TJP1: variants seen among roughly 807,000 people sequenced by gnomAD.
The protein encoded by TJP1 is tight junction protein ZO-1.
In TJP1, 43 loss-of-function variants were observed where a neutral mutation model predicts 194.2. The ratio of observed to expected loss-of-function variants is 0.22; its 90% CI spans 0.17 to 0.29. TJP1 has a LOEUF of 0.29. TJP1 is among the 10% of genes least tolerant of loss of function. The pLI is 1.00. For synonymous variants in TJP1, 801 were observed against 779.0 expected, an observed-to-expected ratio of 1.03 and a Z score of -0.47; for missense variants, 1,971 against 2,185.7, an observed-to-expected ratio of 0.90 and a Z score of 1.96.
chr15:29,949,787 A>T (rs1464450643), intron 2 of TJP1, among the ~76,000 whole-genome samples: 40 of 74,428 alleles, frequency 5.4e-4, no homozygotes, highest in South Asian at 2.3e-3. Flanking sequence ...CTCCACCACC[A>T]CCACCTCCAC....
At chr15:29,939,204 T>C (rs1308162203) in intron 2 of TJP1, among the ~76,000 whole-genome samples, 2 of 152,204 alleles carry the variant, frequency 1.3e-5, no homozygotes, top group African/African-American at 4.8e-5. Flanking sequence ...TGAGGCTCAA[T>C]TTAAATGGCA....
upstream of TJP1, chr15:29,822,618 G>A: frequency 5.2e-6 from 2 of 382,872 alleles, no homozygotes; most frequent in South Asian, 1.1e-4. Context: ...AAGCGCGGAA[G>A]GAAAAGCCGG....
At chr15:29,737,216 G>C (rs748718420) in intron 11 of TJP1, 48 bp downstream of exon 11, 80 of 1,590,878 alleles carry the variant, frequency 5.0e-5, no homozygotes, top group Non-Finnish European at 6.4e-5. Flanking sequence ...ACCTTTTTCT[G>C]GTGATCCAAA....
rs1429705803 is a variant in TJP1 at position 29,704,226 on chromosome 15, T to C, written c.5148A>G (p.Pro1716=). The change falls in exon 27 of 28, where the codon CCA becomes CCG. Residue 1716 remains proline (P), a synonymous_variant. Coordinates refer to ENST00000614355, the MANE Select transcript of TJP1 (RefSeq NM_001330239.4). The stretch of plus-strand genomic sequence containing the variant: ...CGTCAGGAGTCATGGACGCACAGTG[T>C]GGTAAGCGCAGCTCCACAGGCTTCA... ...KFLKPVELRL[P]HCASMTPDGW... The C allele has an allele frequency of 6.3e-7, 1 of 1,593,760 alleles. No individual in the cohort carries two copies. The highest frequency in any genetic ancestry group is 8.5e-7 in the Non-Finnish European group (1 of 1,170,154).
At chr15:29,740,872 C>T (rs2044367568) in intron 10 of TJP1, 1 of 154,628 alleles carries the variant, frequency 6.5e-6, no homozygotes, top group African/African-American at 2.4e-5. Context: ...TTCTAATTGT[C>T]ACAACTAGGG....
At chr15:29,897,662 G>A (rs1166645885) in intron 2 of TJP1, among the ~76,000 whole-genome samples, 1 of 152,186 alleles carries the variant, frequency 6.6e-6, no homozygotes, top group Non-Finnish European at 1.5e-5. Context: ...ACCCTGAAAA[G>A]CCACAGGGAC....
intron 1 of TJP1, among the ~76,000 whole-genome samples, chr15:29,806,088 T>C (rs1172604100): frequency 6.6e-6 from 1 of 152,114 alleles, no homozygotes; most frequent in Non-Finnish European, 1.5e-5. Context: ...GATCAAATGA[T>C]ATAAGAATTC....
chr15:29,952,402 G>A (rs2055782296), intron 2 of TJP1, among the ~76,000 whole-genome samples: 1 of 152,106 alleles, frequency 6.6e-6, no homozygotes. Context: ...GAACTAGAAT[G>A]CCCATCCCAT....
intron 12 of TJP1, among the ~76,000 whole-genome samples, chr15:29,733,799 C>T (rs2043831342): frequency 6.6e-6 from 1 of 152,080 alleles, no homozygotes; most frequent in Admixed American, 6.6e-5. Flanking sequence ...ACAGGACAGC[C>T]CCTAAAACCA....
intron 2 of TJP1, among the ~76,000 whole-genome samples, chr15:29,878,847 G>A (rs1024475718): frequency 6.6e-6 from 1 of 152,138 alleles, no homozygotes; most frequent in Non-Finnish European, 1.5e-5. Context: ...CATGCTGGCC[G>A]GGCGCGGTGG....
In TJP1 at chr15:29,777,481, G is replaced by GA. The variant is rs1404113122; in HGVS notation, c.85-4125dup. Among the ~76,000 whole-genome samples, 5 of 152,004 alleles carry GA rather than the reference G, an allele frequency of 3.3e-5. 1 individual carries two copies. Among genetic ancestry groups the GA allele is most frequent in the Admixed American group, 6.6e-5 (1 of 15,248 alleles). On this transcript the variant is annotated intron_variant, in intron 2 of 27. Coordinates refer to ENST00000614355, the MANE Select transcript of TJP1 (RefSeq NM_001330239.4). ...TAAGAACTACTTAAACATGAAGGGA[G>GA]AAAAATAAATAAATAAATAAAACAA...
chr15:29,926,375 A>C (rs1046327834), intron 2 of TJP1, among the ~76,000 whole-genome samples: 3 of 152,148 alleles, frequency 2.0e-5, no homozygotes, highest in African/African-American at 7.2e-5. Flanking sequence ...ACTTTGGGAG[A>C]CCGAGGCAGG....
intron 1 of TJP1, among the ~76,000 whole-genome samples, chr15:29,960,180 C>A (rs1459958063): frequency 6.6e-6 from 1 of 151,962 alleles, no homozygotes; most frequent in African/African-American, 2.4e-5. Context: ...AATCTAGAAG[C>A]CTAAAAGAGC....
chr15:29,752,101 CTTT>C (rs199750785), intron 8 of TJP1, among the ~76,000 whole-genome samples: 7 of 143,682 alleles, frequency 4.9e-5, no homozygotes, highest in African/African-American at 1.8e-4. Context: ...GCTAAATACA[CTTT>C]TTTTTTTTTT....
intron 2 of TJP1, among the ~76,000 whole-genome samples, chr15:29,784,550 C>A (rs1044636841): frequency 6.6e-6 from 1 of 151,994 alleles, no homozygotes; most frequent in African/African-American, 2.4e-5. Context: ...GTGATCCATC[C>A]CCGGCTTCCA....
chr15:29,955,811 T>TGAATTGG (rs2055919670), intron 2 of TJP1, among the ~76,000 whole-genome samples: 1 of 135,062 alleles, frequency 7.4e-6, no homozygotes, highest in African/African-American at 2.8e-5. Flanking sequence ...CATCATTAAC[T>TGAATTGG]GAATTGGGAT....
At chr15:29,935,826 C>G (rs955385609) in intron 2 of TJP1, among the ~76,000 whole-genome samples, 5 of 152,114 alleles carry the variant, frequency 3.3e-5, no homozygotes, top group East Asian at 1.9e-4. Flanking sequence ...CTTTGTCTTT[C>G]TCCACATACC....
intron 23 of TJP1, among the ~76,000 whole-genome samples, chr15:29,714,769 C>T (rs2042458467): frequency 6.6e-6 from 1 of 151,888 alleles, no homozygotes; most frequent in Non-Finnish European, 1.5e-5. Flanking sequence ...TCTCGATCTC[C>T]TGACCTCATG....
intron 8 of TJP1, among the ~76,000 whole-genome samples, chr15:29,752,260 G>A (rs766980822): frequency 8.6e-5 from 13 of 152,010 alleles, no homozygotes; most frequent in South Asian, 2.1e-4. Context: ...ACGCCACCAC[G>A]CCTAGCTAAT....
Sources: gnomAD v4.1 joint callset for allele counts (sites outside exome capture counted in the v4.1 genomes callset) on GRCh38, gnomAD v4.1.1 for gene constraint, MANE v1.5 for transcripts, NCBI Gene and HGNC (gene_info 2026-07-23, HGNC 2026-07-21) for gene names.